HERC2: variants seen among roughly 807,000 people sequenced by gnomAD.
HERC2 encodes E3 ubiquitin-protein ligase HERC2.
A neutral mutation model predicts 537.7 loss-of-function variants in HERC2; 102 were observed. The observed-to-expected ratio is 0.19, with a 90% CI of 0.16 to 0.22. The LOEUF (loss-of-function observed/expected upper bound fraction) is 0.22, where lower values mean the gene tolerates loss of function less well. HERC2 is among the 10% of genes least tolerant of loss of function. The probability of loss-of-function intolerance (pLI) is 1.00; values close to 1 mark genes in which losing one functional copy is unlikely to be tolerated. For missense variants in HERC2, 4,236 were observed against 6,198.2 expected (o/e 0.68, Z 10.63); for synonymous variants, 2,224 against 2,466.2 (o/e 0.90, Z 2.91).
At chr15:28,162,031 T>C (rs1334472198) in intron 69 of HERC2, among the ~76,000 whole-genome samples, 1 of 152,118 alleles carries the variant, frequency 6.6e-6, no homozygotes, top group Non-Finnish European at 1.5e-5. Flanking sequence ...CATGAAATCA[T>C]AAAAAATTAG....
intron 72 of HERC2, 139 bp downstream of exon 72, chr15:28,144,534 G>T: frequency 8.5e-7 from 1 of 1,174,800 alleles, no homozygotes; most frequent in Non-Finnish European, 1.2e-6. Context: ...GCCTCAGCAG[G>T]GCCTGTGAGA....
rs751738072 is a variant in HERC2, at chr15:28,192,135, A to G, written c.8277T>C (p.Phe2759=). Residue 2759 remains phenylalanine, a synonymous_variant, in exon 53 of 93, where the codon TTT becomes TTC. Transcript: ENST00000261609. ...TCAGCTGTTTTCCAGAACGGCCACA[A>G]AATACCGCAGACTGACCTATTTCGT... ...RINEPGQSAV[F]CGRSGKQLKR... 6.2e-7 allele frequency: 1 copy of G among 1,613,654 alleles called. No individual in the cohort carries two copies. The highest frequency in any genetic ancestry group is 1.1e-5 in the South Asian group (1 of 91,078).
In HERC2 at chr15:28,202,070, G is replaced by A. The variant is rs1218200031; in HGVS notation, c.7617+43C>T. 1.9e-5 allele frequency: 20 copies of A among 1,049,402 alleles called. No individual in the cohort carries two copies. The East Asian group carries it at 2.2e-4, about 12-fold the overall frequency. The allele number at this position is 1,049,402 out of a possible 1,614,324, so 65.0% of individuals were successfully genotyped here. On this transcript the variant is annotated intron_variant, in intron 47 of 92. Coordinates refer to ENST00000261609, the MANE Select transcript of HERC2 (RefSeq NM_004667.6). ...GTGTAAGACTGTTAGAGCGCTAGAC[G>A]GACAGCGGCCCAGGTGCGGGCGGTC...
chr15:28,289,704 C>T (rs1164749987), intron 4 of HERC2, among the ~76,000 whole-genome samples: 1 of 152,234 alleles, frequency 6.6e-6, no homozygotes, highest in African/African-American at 2.4e-5. Context: ...GTTTGGTAAA[C>T]ATACCTAAAA....
At chr15:28,218,909 A>C (rs558514500) in intron 37 of HERC2, among the ~76,000 whole-genome samples, 1 of 152,082 alleles carries the variant, frequency 6.6e-6, no homozygotes, top group Non-Finnish European at 1.5e-5. Flanking sequence ...AGCTCACTGC[A>C]GCTTTGACCT....
chr15:28,216,143 G>A (rs924755891), intron 38 of HERC2, among the ~76,000 whole-genome samples: 13 of 151,962 alleles, frequency 8.6e-5, no homozygotes, highest in African/African-American at 2.7e-4. Flanking sequence ...TTCTAAGTAT[G>A]TGTAGTAAAA....
chr15:28,160,401 G>T (rs183600456), intron 69 of HERC2, among the ~76,000 whole-genome samples: 1 of 152,176 alleles, frequency 6.6e-6, no homozygotes, highest in African/African-American at 2.4e-5. Context: ...CTTCCGGGCC[G>T]CTTTGTTTAC....
At chr15:28,300,064 AAAAAG>A (rs1341306969) in intron 2 of HERC2, among the ~76,000 whole-genome samples, 6 of 151,244 alleles carry the variant, frequency 4.0e-5, no homozygotes, top group South Asian at 4.2e-4. Flanking sequence ...AAAAAAAAAA[AAAAAG>A]AAAAGAAAAG....
At chr15:28,236,697 C>T (rs1902500637) in intron 26 of HERC2, among the ~76,000 whole-genome samples, 2 of 152,114 alleles carry the variant, frequency 1.3e-5, no homozygotes, top group African/African-American at 2.4e-5. Flanking sequence ...AAGCGATCCT[C>T]CTACCTCAGC....
Position 28,177,457 on chromosome 15 carries a change from G to T in HERC2, c.9216C>A (p.Gly3072=). The change falls in exon 60 of 93, where the codon GGC becomes GGA. Residue 3072 remains glycine, a synonymous_variant. Coordinates refer to ENST00000261609, the MANE Select transcript of HERC2 (RefSeq NM_004667.6). This position sits in a 1 kb window ranked among gnomAD's most constrained non-coding sequence, Gnocchi z 5.0. ...GTCCAAGTTTTCCATCGTCACCTTC[G>T]CCCCACGAAAACACTTTTCCATCGA... ...LTVDGKVFSW[G]EGDDGKLGHF... is the part of the protein sequence containing the mutation. 1.2e-6 allele frequency: 2 copies of T among 1,614,064 alleles called. No individual in the cohort carries two copies. Among genetic ancestry groups the T allele is most frequent in the South Asian group, 2.2e-5 (2 of 91,082 alleles).
At chr15:28,255,814 A>G (rs1245985497) in intron 19 of HERC2, 58 bp downstream of exon 19, 2 of 1,546,344 alleles carry the variant, frequency 1.3e-6, no homozygotes, top group African/African-American at 2.7e-5. Flanking sequence ...CACGTGTGTG[A>G]GTGTGGTATT....
chr15:28,124,957 A>G (rs374217998), intron 84 of HERC2, 49 bp downstream of exon 84: 1 of 1,530,686 alleles, frequency 6.5e-7, no homozygotes. Context: ...AGCATGTGAC[A>G]GGAGCACACT....
chr15:28,133,764 C>T (rs991890532), intron 79 of HERC2, among the ~76,000 whole-genome samples: 3 of 152,166 alleles, frequency 2.0e-5, no homozygotes, highest in Non-Finnish European at 2.9e-5. Context: ...TGTGAGAAGT[C>T]CAGTTTCATT....
intron 57 of HERC2, among the ~76,000 whole-genome samples, chr15:28,179,770 G>C (rs753814832): frequency 8.5e-4 from 130 of 152,300 alleles, no homozygotes; most frequent in Admixed American, 2.2e-3. Flanking sequence ...GTATGTGTTT[G>C]GGTCTTAGTT....
In HERC2 at chr15:28,205,285, C is replaced by CTGCAGGGAGCACGTGTACCGCCCCACG. The variant is rs11268055; in HGVS notation, c.7212+954_7212+955insCGTGGGGCGGTACACGTGCTCCCTGCA. 1.3e-4 allele frequency among the ~76,000 whole-genome samples: 2 copies of CTGCAGGGAGCACGTGTACCGCCCCACG among 15,464 alleles called. 1 individual carries two copies. The highest frequency in any genetic ancestry group is 3.0e-4 in the Non-Finnish European group (2 of 6,604). The allele number at this position is 15,464 out of a possible 152,430, so 10.1% of individuals were successfully genotyped here. A position where few individuals can be genotyped will look rare whatever the true frequency, so the allele number is the denominator to read the frequency against. ...TCACACTCGGCATCTCCCAGCATGACTGCTCTCAAGTTGCTCAGCGTCTTC... is the reference window on the plus strand; with the variant it reads ...TCACACTCGGCATCTCCCAGCATGACTGCAGGGAGCACGTGTACCGCCCCACGTGCTCTCAAGTTGCTCAGCGTCTTC... On this transcript the variant is annotated intron_variant, in intron 45 of 92. Transcript: ENST00000261609.
chr15:28,236,893 C>T, intron 26 of HERC2, 70 bp downstream of exon 26: 1 of 1,417,360 alleles, frequency 7.1e-7, no homozygotes, highest in Non-Finnish European at 9.9e-7. Context: ...TGGCCCTCTC[C>T]CACTCTTAAT....
chr15:28,170,269 C>A (rs1322789493), intron 65 of HERC2, among the ~76,000 whole-genome samples: 4 of 152,210 alleles, frequency 2.6e-5, no homozygotes, highest in Admixed American at 6.5e-5. Context: ...AGGAATGAGT[C>A]TACCCAATTT....
In HERC2 at chr15:28,230,387, T is replaced by C; in HGVS notation, c.4789A>G (p.Ile1597Val). 1.3e-6 allele frequency: 2 copies of C among 1,556,084 alleles called. No homozygotes were observed. The highest frequency in any genetic ancestry group is 2.2e-5 in the South Asian group (2 of 90,128). Reference protein sequence around the residue: ...HSPINVDKRPIAIKSPKDKWQ... With the variant: ...HSPINVDKRPVAIKSPKDKWQ... The stretch of plus-strand genomic sequence containing the variant: ...TGCACCTTGGGTGATTTAATTGCAA[T>C]GGGTCTCTTGTCCACATTTATTGGA... Residue 1597 changes from isoleucine (I) to valine (V), a missense_variant, in exon 31 of 93, where the codon ATT becomes GTT. Ile to Val is a conservative substitution (Grantham distance 29, BLOSUM62 3). Transcript: ENST00000261609.
chr15:28,292,308 T>C (rs2076339713), intron 4 of HERC2, among the ~76,000 whole-genome samples: 1 of 146,436 alleles, frequency 6.8e-6, no homozygotes, highest in South Asian at 2.1e-4. Flanking sequence ...AAATGGTCAA[T>C]AAGCATGTAA....
Sources: allele counts gnomAD v4.1 joint callset (sites outside exome capture counted in the v4.1 genomes callset), GRCh38; gene constraint gnomAD v4.1.1; non-coding constraint Gnocchi (gnomAD v3.1); transcripts MANE v1.5; gene names NCBI Gene and HGNC (gene_info 2026-07-23, HGNC 2026-07-21).